TCF7L2: variants seen among roughly 807,000 people sequenced by gnomAD.
TCF7L2 encodes transcription factor 7 like 2, also known as transcription factor 7-like 2.
TCF7L2 carries 23 observed loss-of-function variants against 77.9 expected under a neutral mutation model. That is an observed-to-expected ratio of 0.30 (90% confidence interval 0.21 to 0.42). TCF7L2 has a LOEUF of 0.42. TCF7L2 is among the 10% of genes least tolerant of loss of function. TCF7L2 has a pLI of 1.00. For synonymous variants in TCF7L2, 413 were observed against 340.2 expected (o/e 1.21, Z -2.36); for missense variants, 654 against 793.1 (o/e 0.82, Z 2.11).
chr10:112,962,814 G>C (rs1020962084), intron 3 of TCF7L2, among the ~76,000 whole-genome samples: 1 of 152,100 alleles, frequency 6.6e-6, no homozygotes, highest in Admixed American at 6.5e-5. Flanking sequence ...GGCCAGGGTG[G>C]TCTCAAACCT....
intron 4 of TCF7L2, among the ~76,000 whole-genome samples, chr10:113,037,851 G>C (rs950452214): frequency 1.3e-5 from 2 of 152,192 alleles, no homozygotes; most frequent in Non-Finnish European, 2.9e-5. Flanking sequence ...TTTGTTCACG[G>C]GTTTTTATGA....
intron 4 of TCF7L2, among the ~76,000 whole-genome samples, chr10:113,005,951 T>G (rs2045472437): frequency 1.3e-5 from 2 of 151,986 alleles, no homozygotes; most frequent in Admixed American, 6.6e-5. Context: ...AAACCAAAAC[T>G]GGTCCAGGGG....
At chr10:113,003,186 A>G (rs141194703) in intron 4 of TCF7L2, among the ~76,000 whole-genome samples, 64 of 152,330 alleles carry the variant, frequency 4.2e-4, no homozygotes, top group African/African-American at 1.5e-3. Context: ...GCCTTCTCCA[A>G]TAAGGGCCTG....
chr10:112,971,279 A>G (rs1374112862), intron 4 of TCF7L2, among the ~76,000 whole-genome samples: 2 of 152,172 alleles, frequency 1.3e-5, no homozygotes, highest in Non-Finnish European at 2.9e-5. Context: ...AGTGTAGTCC[A>G]GGAGTTAGAT....
At chr10:112,982,596 A>G (rs1052587400) in intron 4 of TCF7L2, among the ~76,000 whole-genome samples, 2 of 152,156 alleles carry the variant, frequency 1.3e-5, no homozygotes, top group Non-Finnish European at 2.9e-5. Context: ...TTTCTCCTGA[A>G]TAAGAGTAGT....
chr10:112,978,905 A>G (rs2039961142), intron 4 of TCF7L2, among the ~76,000 whole-genome samples: 2 of 152,172 alleles, frequency 1.3e-5, no homozygotes, highest in Non-Finnish European at 2.9e-5. Flanking sequence ...ATATGTATAC[A>G]TGTGCCATGT....
chr10:113,039,210 G>A (rs1187563099), intron 4 of TCF7L2, among the ~76,000 whole-genome samples: 1 of 152,204 alleles, frequency 6.6e-6, no homozygotes, highest in Non-Finnish European at 1.5e-5. Context: ...GCAAAATGAG[G>A]AACTGGGTCA....
At chr10:113,158,816 T>TTAAA in intron 12 of TCF7L2, 99 bp downstream of exon 13, 1 of 1,246,344 alleles carries the variant, frequency 8.0e-7, no homozygotes, top group Non-Finnish European at 1.1e-6. Context: ...GTATGACATT[T>TTAAA]GAACATTCTT....
At chr10:112,955,510 C>CT (rs1237085166) in intron 3 of TCF7L2, among the ~76,000 whole-genome samples, 13 of 152,182 alleles carry the variant, frequency 8.5e-5, no homozygotes, top group African/African-American at 3.1e-4. Context: ...CAGAAACAAA[C>CT]TCAGGCATTT....
intron 4 of TCF7L2, among the ~76,000 whole-genome samples, chr10:113,034,353 A>G (rs988037245): frequency 1.3e-5 from 2 of 152,036 alleles, no homozygotes; most frequent in African/African-American, 4.8e-5. Context: ...TTTGTGTTGC[A>G]TATTTGTAGG....
At chr10:112,952,961 A>G (rs1030271918) in intron 3 of TCF7L2, among the ~76,000 whole-genome samples, 1 of 151,318 alleles carries the variant, frequency 6.6e-6, no homozygotes, top group Admixed American at 6.6e-5. Context: ...GTCATTTTAC[A>G]CCTTCTCCAG....
At chr10:113,000,364 A>G (rs1050885722) in intron 4 of TCF7L2, among the ~76,000 whole-genome samples, 1 of 152,182 alleles carries the variant, frequency 6.6e-6, no homozygotes, top group Non-Finnish European at 1.5e-5. Flanking sequence ...TCTGGAGGGA[A>G]GAAGAAAAGA....
chr10:113,006,526 T>A (rs2045584450), intron 4 of TCF7L2, among the ~76,000 whole-genome samples: 1 of 152,178 alleles, frequency 6.6e-6, no homozygotes, highest in Admixed American at 6.5e-5. Context: ...CTGTGAGGTT[T>A]TCCTGTGTTA....
chr10:112,995,858 G>T (rs1178680667), intron 4 of TCF7L2, among the ~76,000 whole-genome samples: 1 of 152,078 alleles, frequency 6.6e-6, no homozygotes, highest in East Asian at 1.9e-4. Context: ...GGGAGCATCT[G>T]TCTGCAGCTT....
chr10:112,986,234 G>C (rs561599568), intron 4 of TCF7L2, among the ~76,000 whole-genome samples: 1 of 152,014 alleles, frequency 6.6e-6, no homozygotes, highest in Admixed American at 6.6e-5. Context: ...GAGCTTGCAT[G>C]GGGGGAGTGA....
intron 5 of TCF7L2, among the ~76,000 whole-genome samples, chr10:113,088,946 A>G (rs2060102360): frequency 6.6e-6 from 1 of 152,252 alleles, no homozygotes; most frequent in African/African-American, 2.4e-5. Context: ...TCTTAGAAAA[A>G]AAAAAAAAAG....
chr10:113,025,218 ATT>A (rs35779425), intron 4 of TCF7L2, among the ~76,000 whole-genome samples: 2,820 of 98,944 alleles, frequency 0.029, 27 homozygotes, highest in Non-Finnish European at 0.034. Context: ...CTGTGACTGG[ATT>A]TTTTTTTTTT....
chr10:112,997,908 G>C (rs1006572249), intron 4 of TCF7L2, among the ~76,000 whole-genome samples: 2 of 152,060 alleles, frequency 1.3e-5, no homozygotes, highest in African/African-American at 2.4e-5. Flanking sequence ...GACACCTGAC[G>C]TATCTGTAAA....
At chr10:113,160,317 A>G (rs905698174) in intron 12 of TCF7L2, among the ~76,000 whole-genome samples, 8 of 151,910 alleles carry the variant, frequency 5.3e-5, no homozygotes, top group African/African-American at 7.3e-5. Context: ...TGGCCTAGGT[A>G]GAAGCAAATG....
Sources: gnomAD v4.1 joint callset for allele counts (sites outside exome capture counted in the v4.1 genomes callset) on GRCh38, gnomAD v4.1.1 for gene constraint, MANE v1.5 for transcripts, NCBI Gene and HGNC (gene_info 2026-07-23, HGNC 2026-07-21) for gene names.